DCC: variants seen among roughly 807,000 people sequenced by gnomAD.
DCC encodes the protein netrin receptor DCC.
Under a neutral mutation model 172.5 loss-of-function variants are expected in DCC, and 58 were observed. The ratio of observed to expected loss-of-function variants is 0.34; its 90% confidence interval spans 0.27 to 0.42. DCC has a LOEUF of 0.42. Among genes scored for constraint, DCC ranks in the 10% least tolerant of loss-of-function variants. DCC has a pLI of 1.00. For synonymous variants in DCC, 709 were observed against 644.5 expected, an observed-to-expected ratio of 1.10 and a Z score of -1.52; for missense variants, 1,740 against 1,791.0, an observed-to-expected ratio of 0.97 and a Z score of 0.51.
intron 5 of DCC, among the ~76,000 whole-genome samples, chr18:52,999,973 AG>A (rs1290759278): frequency 1.3e-5 from 2 of 152,054 alleles, no homozygotes; most frequent in Non-Finnish European, 2.9e-5. Context: ...TGATGAAAGA[AG>A]CAGAGACTGA....
chr18:52,669,758 C>A (rs1028976815), intron 1 of DCC, among the ~76,000 whole-genome samples: 4 of 152,156 alleles, frequency 2.6e-5, no homozygotes, highest in Non-Finnish European at 4.4e-5. Context: ...AAAACCCCAC[C>A]TCCATGGGGG....
At chr18:53,247,209 G>A (rs2056375598) in intron 12 of DCC, among the ~76,000 whole-genome samples, 1 of 152,004 alleles carries the variant, frequency 6.6e-6, no homozygotes. Context: ...ATGAAACCTA[G>A]AAGTGGCTTT....
intron 1 of DCC, among the ~76,000 whole-genome samples, chr18:52,680,735 C>T (rs2035734841): frequency 1.3e-5 from 2 of 152,066 alleles, no homozygotes; most frequent in Admixed American, 6.6e-5. Flanking sequence ...GCTGCCTTCC[C>T]TGCCTTCATA....
intron 5 of DCC, among the ~76,000 whole-genome samples, chr18:53,054,390 G>A (rs8084016): frequency 0.023 from 3,527 of 151,928 alleles, 170 homozygotes; most frequent in African/African-American, 0.081. Context: ...ACACACACAC[G>A]CAAGCTTAAT....
chr18:52,809,598 G>A (rs1014733254), intron 2 of DCC, among the ~76,000 whole-genome samples: 12 of 152,162 alleles, frequency 7.9e-5, no homozygotes, highest in African/African-American at 2.4e-4. Flanking sequence ...GGAGTGCAGC[G>A]AACACACTGC....
At position 53,179,124 on chromosome 18, in the gene DCC, T is replaced by C; in HGVS notation, c.1573+8T>C. The stretch of plus-strand genomic sequence containing the variant: ...TGGCCACACAGCCTGAGTGTGAGTA[T>C]GAAAAGGAACGGGCCACATTTAAAA... On this transcript the variant is annotated splice_region_variant and intron_variant, in intron 9 of 28. Coordinates refer to ENST00000442544, the MANE Select transcript of DCC (RefSeq NM_005215.4). The C allele has an allele frequency of 6.2e-7, 1 of 1,613,098 alleles. No individual in the cohort carries two copies. Among genetic ancestry groups the C allele is most frequent in the African/African-American group, 1.3e-5 (1 of 75,018 alleles).
rs138890048 is a variant in DCC, at chr18:52,933,208, A to G, written c.985+7838A>G. Among the ~76,000 whole-genome samples, 268 of 152,202 alleles carry G rather than the reference A, an allele frequency of 1.8e-3. 1 individual carries two copies. The highest frequency in any genetic ancestry group is 5.4e-3 in the South Asian group (26 of 4,828). Reference sequence around the variant, plus strand: ...AGTGTGAGTAGAAAACTAGCAACCAACTGTTGAGTGCCTCTTGTGTACTAA... The same window carrying G: ...AGTGTGAGTAGAAAACTAGCAACCAGCTGTTGAGTGCCTCTTGTGTACTAA... On this transcript the variant is annotated intron_variant, in intron 5 of 28. Transcript: ENST00000442544.
At chr18:53,142,682 C>A (rs2043848921) in intron 7 of DCC, among the ~76,000 whole-genome samples, 1 of 152,118 alleles carries the variant, frequency 6.6e-6, no homozygotes, top group African/African-American at 2.4e-5. Context: ...ACCCTTTACC[C>A]AGTTTTCCAC....
intron 1 of DCC, among the ~76,000 whole-genome samples, chr18:52,513,302 C>T (rs2031506047): frequency 6.6e-6 from 1 of 152,128 alleles, no homozygotes; most frequent in African/African-American, 2.4e-5. Context: ...ACACGACTTC[C>T]TGAGTTTCCA....
chr18:52,772,902 A>G (rs1469338497), intron 2 of DCC, among the ~76,000 whole-genome samples: 2 of 152,168 alleles, frequency 1.3e-5, no homozygotes. Flanking sequence ...TTAAATATAT[A>G]TTGAAATGGT....
chr18:52,944,672 A>G (rs2040513872), intron 5 of DCC, among the ~76,000 whole-genome samples: 1 of 152,168 alleles, frequency 6.6e-6, no homozygotes, highest in Admixed American at 6.5e-5. Context: ...AAAATTTTGG[A>G]TATCTTCCCC....
intron 5 of DCC, among the ~76,000 whole-genome samples, chr18:53,053,680 G>A (rs2042364570): frequency 6.6e-6 from 1 of 152,028 alleles, no homozygotes; most frequent in Non-Finnish European, 1.5e-5. Context: ...TACCAACAGG[G>A]AATACTAGAA....
intron 5 of DCC, among the ~76,000 whole-genome samples, chr18:52,931,336 G>A (rs553879446): frequency 3.6e-4 from 55 of 152,154 alleles, no homozygotes; most frequent in Admixed American, 1.1e-3. Context: ...TAATTTTTAA[G>A]AATTTAATCA....
At chr18:52,857,521 A>T (rs1192063588) in intron 2 of DCC, among the ~76,000 whole-genome samples, 1 of 152,220 alleles carries the variant, frequency 6.6e-6, no homozygotes, top group Non-Finnish European at 1.5e-5. Context: ...TTAGAAAACT[A>T]TAAACTGAAT....
intron 2 of DCC, among the ~76,000 whole-genome samples, chr18:52,815,411 T>TACAC (rs34924244): frequency 0.014 from 2,090 of 150,100 alleles, 26 homozygotes; most frequent in South Asian, 0.048. Flanking sequence ...TTCTCACACG[T>TACAC]ACACACACAC....
At chr18:53,225,465 A>C (rs2056012477) in intron 12 of DCC, among the ~76,000 whole-genome samples, 1 of 152,226 alleles carries the variant, frequency 6.6e-6, no homozygotes, top group South Asian at 2.1e-4. Context: ...GCAAGAACAC[A>C]CAGGATCCAG....
chr18:53,285,082 G>A (rs2056920574), intron 12 of DCC, among the ~76,000 whole-genome samples: 1 of 152,072 alleles, frequency 6.6e-6, no homozygotes, highest in African/African-American at 2.4e-5. Flanking sequence ...ATAAAAGTCT[G>A]GAAAATTTGC....
At chr18:52,404,712 G>A (rs1488124414) in intron 1 of DCC, among the ~76,000 whole-genome samples, 1 of 150,106 alleles carries the variant, frequency 6.7e-6, no homozygotes, top group East Asian at 2.0e-4. Flanking sequence ...TGCACATTGT[G>A]CAGGTTAGTT....
At chr18:53,357,882 G>C (rs1262085660) in intron 15 of DCC, among the ~76,000 whole-genome samples, 1 of 152,124 alleles carries the variant, frequency 6.6e-6, no homozygotes, top group African/African-American at 2.4e-5. Flanking sequence ...AGCCATTCTA[G>C]AAGGAAATTC....
Sources: allele counts gnomAD v4.1 joint callset (sites outside exome capture counted in the v4.1 genomes callset), GRCh38; gene constraint gnomAD v4.1.1; transcripts MANE v1.5; gene names NCBI Gene and HGNC (gene_info 2026-07-23, HGNC 2026-07-21).